TTC27: variants seen among roughly 807,000 people sequenced by gnomAD.
TTC27 encodes the protein tetratricopeptide repeat domain 27.
TTC27 carries 79 observed loss-of-function variants against 115.9 expected under a neutral mutation model. That is an observed-to-expected ratio of 0.68 (90% CI 0.57 to 0.82). The LOEUF is 0.82. Among genes scored for constraint, TTC27 ranks in the 40% least tolerant of loss-of-function variants. The pLI, the probability that TTC27 is intolerant of heterozygous loss-of-function variation, is 0.00. For synonymous variants in TTC27, 401 were observed against 356.0 expected (o/e 1.13, Z -1.42); for missense variants, 1,054 against 993.1 (o/e 1.06, Z -0.82).
intron 13 of TTC27, among the ~76,000 whole-genome samples, chr2:32,775,677 A>G (rs1669973737): frequency 6.6e-6 from 1 of 152,182 alleles, no homozygotes; most frequent in African/African-American, 2.4e-5. Flanking sequence ...TTTGTATCTA[A>G]GATGCCATCG....
intron 16 of TTC27, among the ~76,000 whole-genome samples, chr2:32,792,737 T>C (rs1355076823): frequency 6.6e-6 from 1 of 152,194 alleles, no homozygotes; most frequent in Non-Finnish European, 1.5e-5. Flanking sequence ...CCTTCCTGCT[T>C]TGAGGACCTC....
At chr2:32,718,904 T>G (rs1667835577) in intron 10 of TTC27, among the ~76,000 whole-genome samples, 1 of 152,232 alleles carries the variant, frequency 6.6e-6, no homozygotes, top group Non-Finnish European at 1.5e-5. Context: ...ACACCTCCTG[T>G]TGCTTCATTC....
At chr2:32,633,809 A>G (rs953639120) in intron 2 of TTC27, 67 bp from the exon 3 acceptor site, 4 of 1,493,578 alleles carry the variant, frequency 2.7e-6, no homozygotes, top group Admixed American at 1.8e-5. Context: ...CTGAAATGGA[A>G]TAGTGTGTTT....
intron 12 of TTC27, among the ~76,000 whole-genome samples, chr2:32,755,260 A>C (rs1250099131): frequency 6.6e-6 from 1 of 152,044 alleles, no homozygotes; most frequent in Non-Finnish European, 1.5e-5. Context: ...GTAGCGAGCC[A>C]AGATCACGCC....
intron 12 of TTC27, among the ~76,000 whole-genome samples, chr2:32,756,373 TTAATAGC>T (rs1669232963): frequency 6.6e-6 from 1 of 152,238 alleles, no homozygotes; most frequent in Non-Finnish European, 1.5e-5. Context: ...GTTAGGTACT[TTAATAGC>T]TATTGTATTG....
intron 5 of TTC27, among the ~76,000 whole-genome samples, chr2:32,654,273 C>T (rs1302777871): frequency 1.3e-5 from 2 of 152,180 alleles, no homozygotes; most frequent in African/African-American, 4.8e-5. Context: ...GCTAACATTT[C>T]TATAGTGTAT....
In TTC27 at chr2:32,736,622, T is replaced by A. The variant is rs1450416214; in HGVS notation, c.1330-72T>A. ...CAGACCCCTAAAAAGGCAGATTAGGTACACCTGCAAGTGAAACAGGAATCT... is the reference window on the plus strand; with the variant it reads ...CAGACCCCTAAAAAGGCAGATTAGGAACACCTGCAAGTGAAACAGGAATCT... On this transcript the variant is annotated intron_variant, in intron 11 of 19. Coordinates refer to ENST00000317907, the MANE Select transcript of TTC27 (RefSeq NM_017735.5). 1.9e-6 allele frequency: 3 copies of A among 1,575,046 alleles called. No individual in the cohort carries two copies. The Admixed American group carries it at 5.1e-5, about 27-fold the overall frequency.
chr2:32,745,986 C>G (rs1460144957), intron 12 of TTC27, among the ~76,000 whole-genome samples: 1 of 152,092 alleles, frequency 6.6e-6, no homozygotes, highest in Non-Finnish European at 1.5e-5. Context: ...CTGCTTGAGT[C>G]TTGGCCAACT....
intron 13 of TTC27, among the ~76,000 whole-genome samples, chr2:32,777,671 C>T (rs568952472): frequency 2.0e-5 from 3 of 152,178 alleles, no homozygotes; most frequent in African/African-American, 4.8e-5. Context: ...TAATATTGCA[C>T]TTTTTCAGTG....
At chr2:32,758,608 T>C (rs1669327334) in intron 13 of TTC27, 89 bp downstream of exon 13, 4 of 1,197,532 alleles carry the variant, frequency 3.3e-6, no homozygotes, top group Non-Finnish European at 4.8e-6. Context: ...TTTTCTAACC[T>C]GATAACTGGT....
intron 10 of TTC27, 91 bp downstream of exon 10, chr2:32,703,011 T>C: frequency 1.1e-6 from 1 of 869,998 alleles, no homozygotes; most frequent in Non-Finnish European, 1.9e-6. Context: ...AGGAATGAAA[T>C]GGCTTACATT....
chr2:32,679,932 A>T (rs1666359444), intron 9 of TTC27, among the ~76,000 whole-genome samples: 1 of 152,208 alleles, frequency 6.6e-6, no homozygotes, highest in Non-Finnish European at 1.5e-5. Flanking sequence ...CGGAGGTTGC[A>T]GTGAGCCACA....
At chr2:32,699,420 G>A (rs754807327) in intron 9 of TTC27, among the ~76,000 whole-genome samples, 4 of 152,210 alleles carry the variant, frequency 2.6e-5, no homozygotes, top group Non-Finnish European at 4.4e-5. Context: ...CTCTATCCAG[G>A]TGTTTATGTA....
intron 12 of TTC27, among the ~76,000 whole-genome samples, chr2:32,746,582 A>AAAAAAT (rs56007091): frequency 6.6e-6 from 1 of 150,942 alleles, no homozygotes; most frequent in Non-Finnish European, 1.5e-5. Flanking sequence ...AAAAAAAAAA[A>AAAAAAT]GAATGCACAT....
intron 13 of TTC27, among the ~76,000 whole-genome samples, chr2:32,762,395 G>A (rs1658978333): frequency 6.6e-6 from 1 of 151,842 alleles, no homozygotes; most frequent in Admixed American, 6.6e-5. Flanking sequence ...CAGTTATAGT[G>A]CGAAACCTAG....
chr2:32,761,140 A>T (rs1453873524), intron 13 of TTC27, among the ~76,000 whole-genome samples: 1 of 151,938 alleles, frequency 6.6e-6, no homozygotes, highest in Non-Finnish European at 1.5e-5. Flanking sequence ...TGTTCTCCCC[A>T]TCCCTAATCC....
chr2:32,705,073 G>T lies in TTC27; in HGVS notation c.1233+2153G>T, dbSNP rs76130635. On this transcript the variant is annotated intron_variant, in intron 10 of 19. Transcript: ENST00000317907. ...CCCATTGTTGGAGATGGGGCCTGGTGGGGGGTGTTGGGGTCACGGGAGGGA... is the reference window on the plus strand; with the variant it reads ...CCCATTGTTGGAGATGGGGCCTGGTTGGGGGTGTTGGGGTCACGGGAGGGA... The T allele has an allele frequency of 2.3e-3, 867 of 381,348 alleles. 25 individuals are homozygous for T. The East Asian group carries it at 0.053, about 23-fold the overall frequency. The allele number at this position is 381,348 out of a possible 1,614,324, so 23.6% of individuals were successfully genotyped here.
At chr2:32,718,272 C>T (rs1171041468) in intron 10 of TTC27, among the ~76,000 whole-genome samples, 1 of 152,006 alleles carries the variant, frequency 6.6e-6, no homozygotes, top group Non-Finnish European at 1.5e-5. Context: ...TCTTCTGTGC[C>T]TCTTCTAAGC....
intron 16 of TTC27, among the ~76,000 whole-genome samples, chr2:32,798,822 G>C (rs562041230): frequency 9.9e-5 from 15 of 152,252 alleles, no homozygotes; most frequent in Admixed American, 5.2e-4. Flanking sequence ...GTGGAAAACA[G>C]TATGGTAGTT....
Sources: allele counts gnomAD v4.1 joint callset (sites outside exome capture counted in the v4.1 genomes callset), GRCh38; gene constraint gnomAD v4.1.1; transcripts MANE v1.5; gene names NCBI Gene and HGNC (gene_info 2026-07-23, HGNC 2026-07-21).